Variants in NTRK3 observed in about 807,000 individuals in gnomAD.
NTRK3 encodes the protein neurotrophic receptor tyrosine kinase 3, also known as NT-3 growth factor receptor.
A neutral mutation model predicts 91.7 loss-of-function variants in NTRK3; 24 were observed. That is an observed-to-expected ratio of 0.26 (90% CI 0.19 to 0.37). The LOEUF is 0.37. Among genes scored for constraint, NTRK3 ranks in the 10% least tolerant of loss-of-function variants. NTRK3 has a pLI of 1.00. For missense variants in NTRK3, 880 were observed against 1,068.9 expected, an observed-to-expected ratio of 0.82 and a Z score of 2.46; for synonymous variants, 483 against 404.0, an observed-to-expected ratio of 1.20 and a Z score of -2.34.
At chr15:87,902,679 A>T (rs2066523013) in intron 17 of NTRK3, among the ~76,000 whole-genome samples, 1 of 152,188 alleles carries the variant, frequency 6.6e-6, no homozygotes, top group Non-Finnish European at 1.5e-5. Flanking sequence ...TAAAGACAGT[A>T]CATTGCCTTT....
intron 6 of NTRK3, among the ~76,000 whole-genome samples, chr15:88,147,016 G>A (rs1326916833): frequency 6.6e-6 from 1 of 151,970 alleles, no homozygotes; most frequent in African/African-American, 2.4e-5. Flanking sequence ...TATATATTAT[G>A]AATGTGATTT....
At chr15:87,871,092 T>A (rs2064817777) in exon 19 of NTRK3, 1 of 229,966 alleles carries the variant, frequency 4.3e-6, no homozygotes, top group Non-Finnish European at 8.6e-6. Context: ...AGAATCTGAG[T>A]TTTATTTCTT....
intron 3 of NTRK3, among the ~76,000 whole-genome samples, chr15:88,211,407 C>T (rs1446465810): frequency 6.6e-6 from 1 of 152,204 alleles, no homozygotes; most frequent in Admixed American, 6.5e-5. Flanking sequence ...ATTCATTCAT[C>T]AGATGATGGA....
intron 14 of NTRK3, among the ~76,000 whole-genome samples, chr15:87,974,220 G>T (rs1307433561): frequency 1.3e-5 from 2 of 152,142 alleles, no homozygotes; most frequent in Admixed American, 6.5e-5. Context: ...GTGGCTGCTG[G>T]GAGCTTGGCT....
At chr15:88,134,707 A>T (rs1315247930) in intron 10 of NTRK3, among the ~76,000 whole-genome samples, 1 of 152,256 alleles carries the variant, frequency 6.6e-6, no homozygotes, top group Non-Finnish European at 1.5e-5. Context: ...TAAAAGTCAC[A>T]GGAGCAGTGT....
intron 5 of NTRK3, among the ~76,000 whole-genome samples, chr15:88,178,941 C>T (rs530400483): frequency 6.6e-6 from 1 of 152,288 alleles, no homozygotes; most frequent in South Asian, 2.1e-4. Flanking sequence ...AGAAAAAACG[C>T]TCCTGGGACG....
At chr15:87,973,820 G>A (rs963206229) in intron 14 of NTRK3, among the ~76,000 whole-genome samples, 3 of 152,036 alleles carry the variant, frequency 2.0e-5, no homozygotes, top group African/African-American at 4.8e-5. Context: ...AGCCAGCATC[G>A]CCCCTCTCCC....
At chr15:88,130,929 T>C (rs2041273622) in intron 10 of NTRK3, among the ~76,000 whole-genome samples, 1 of 152,146 alleles carries the variant, frequency 6.6e-6, no homozygotes, top group Non-Finnish European at 1.5e-5. Flanking sequence ...CATTGCATCG[T>C]GGTTAGGTAA....
Position 88,255,787 on chromosome 15 carries a change from A to AGCGGGCGGCGGGCAGCGGCGAGCTGGG in NTRK3, c.248+92_248+118dup, listed in dbSNP as rs2053986196. ...GCCAGAGCGAGCCTGACGCGCGCCCAGCGGGCGGCGGGCAGCGGCGAGCTG... is the reference window on the plus strand; with the variant it reads ...GCCAGAGCGAGCCTGACGCGCGCCCAGCGGGCGGCGGGCAGCGGCGAGCTGGGGCGGGCGGCGGGCAGCGGCGAGCTG... On this transcript the variant is annotated intron_variant, in intron 3 of 18. Coordinates refer to ENST00000394480, the Ensembl canonical transcript of NTRK3. The surrounding 1 kb of genome is among the most constrained non-coding windows in gnomAD (Gnocchi z 4.3). 4.9e-6 allele frequency: 4 copies of AGCGGGCGGCGGGCAGCGGCGAGCTGGG among 809,240 alleles called. No homozygotes were observed. Among genetic ancestry groups the AGCGGGCGGCGGGCAGCGGCGAGCTGGG allele is most frequent in the East Asian group, 3.8e-5 (1 of 26,246 alleles). The allele number at this position is 809,240 out of a possible 1,614,324, so 50.1% of individuals were successfully genotyped here.
intron 14 of NTRK3, among the ~76,000 whole-genome samples, chr15:87,965,096 G>C (rs2072667559): frequency 6.6e-6 from 1 of 152,204 alleles, no homozygotes; most frequent in African/African-American, 2.4e-5. Flanking sequence ...TAATGTGTAT[G>C]TGCATGTGCA....
intron 14 of NTRK3, among the ~76,000 whole-genome samples, chr15:88,012,096 C>T (rs749068053): frequency 1.3e-5 from 2 of 152,186 alleles, no homozygotes; most frequent in African/African-American, 2.4e-5. Flanking sequence ...CTGTACCCTA[C>T]GGCCTTGTGC....
intron 3 of NTRK3, among the ~76,000 whole-genome samples, chr15:88,216,496 G>A (rs2049784322): frequency 2.0e-5 from 3 of 152,172 alleles, no homozygotes; most frequent in Admixed American, 2.0e-4. Context: ...CCACGTGCTG[G>A]TCATGGCAGG....
chr15:88,196,070 T>A (rs576427276), intron 3 of NTRK3, among the ~76,000 whole-genome samples: 12 of 152,344 alleles, frequency 7.9e-5, no homozygotes, highest in African/African-American at 2.9e-4. Context: ...TCAAGTGCAT[T>A]GCATAAAGAC....
chr15:88,152,589 T>A (rs2043488158), intron 5 of NTRK3, among the ~76,000 whole-genome samples: 1 of 152,214 alleles, frequency 6.6e-6, no homozygotes, highest in African/African-American at 2.4e-5. Flanking sequence ...CCTCCAGAAC[T>A]GTGAGGAAAT....
intron 3 of NTRK3, among the ~76,000 whole-genome samples, chr15:88,219,159 CAG>C (rs2141547760): frequency 6.6e-6 from 1 of 152,362 alleles, no homozygotes; most frequent in Admixed American, 6.5e-5. Context: ...CCCGCCTGGG[CAG>C]AGAGAGAAGC....
intron 14 of NTRK3, among the ~76,000 whole-genome samples, chr15:87,988,432 G>T (rs2075023028): frequency 6.6e-6 from 1 of 152,158 alleles, no homozygotes; most frequent in Non-Finnish European, 1.5e-5. Flanking sequence ...ACTTAATTAA[G>T]AATAATGTAC....
chr15:88,251,801 T>C (rs775800951), intron 3 of NTRK3, among the ~76,000 whole-genome samples: 18 of 152,228 alleles, frequency 1.2e-4, no homozygotes, highest in Non-Finnish European at 2.5e-4. Context: ...AGGAGCCTTC[T>C]AGGACCCTAA....
At chr15:88,209,214 A>T (rs901131112) in intron 3 of NTRK3, among the ~76,000 whole-genome samples, 1 of 152,230 alleles carries the variant, frequency 6.6e-6, no homozygotes, top group Non-Finnish European at 1.5e-5. Flanking sequence ...TTCTAGACAG[A>T]CAAGAGAAGC....
At chr15:87,962,351 G>A (rs2072379575) in intron 14 of NTRK3, among the ~76,000 whole-genome samples, 1 of 152,118 alleles carries the variant, frequency 6.6e-6, no homozygotes, top group African/African-American at 2.4e-5. Flanking sequence ...TATTTCTCCT[G>A]CCTGACCATC....
Sources: gnomAD v4.1 joint callset for allele counts (sites outside exome capture counted in the v4.1 genomes callset) on GRCh38, gnomAD v4.1.1 for gene constraint, Gnocchi (gnomAD v3.1) non-coding constraint, MANE v1.5 for transcripts, NCBI Gene and HGNC (gene_info 2026-07-23, HGNC 2026-07-21) for gene names.